NDST4: variants seen among roughly 807,000 people sequenced by gnomAD.
The protein encoded by NDST4 is N-deacetylase and N-sulfotransferase 4, also known as N-heparan sulfate sulfotransferase 4.
In NDST4, 63 loss-of-function variants were observed where a neutral mutation model predicts 100.8. That is an observed-to-expected ratio of 0.62 (90% CI 0.51 to 0.77). NDST4 has a LOEUF of 0.77. Ranked by LOEUF, NDST4 falls within the 30% of genes least tolerant of loss-of-function variation. The pLI, the probability that NDST4 is intolerant of heterozygous loss-of-function variation, is 0.00. For synonymous variants in NDST4, 377 were observed against 361.8 expected, an observed-to-expected ratio of 1.04 and a Z score of -0.48; for missense variants, 943 against 1,018.4, an observed-to-expected ratio of 0.93 and a Z score of 1.01.
At chr4:114,962,774 C>A (rs1284476615) in intron 4 of NDST4, among the ~76,000 whole-genome samples, 1 of 152,034 alleles carries the variant, frequency 6.6e-6, no homozygotes, top group Non-Finnish European at 1.5e-5. Context: ...CTGTCAAAAT[C>A]CCAGTTGTTT....
intron 1 of NDST4, among the ~76,000 whole-genome samples, chr4:115,100,491 G>A (rs1011142751): frequency 6.6e-6 from 1 of 151,988 alleles, no homozygotes; most frequent in East Asian, 1.9e-4. Flanking sequence ...CAAAAAAAGA[G>A]CAAGCTGTTT....
intron 6 of NDST4, among the ~76,000 whole-genome samples, chr4:114,881,269 A>G (rs1366516435): frequency 6.6e-6 from 1 of 152,084 alleles, no homozygotes; most frequent in African/African-American, 2.4e-5. Context: ...TTGAACAGTG[A>G]CAATGGGAAA....
chr4:114,953,658 C>T lies in NDST4; in HGVS notation c.1222-16155G>A, dbSNP rs192714751. The stretch of plus-strand genomic sequence containing the variant: ...TGGCATGCATTTATTAACTTAAAAG[C>T]AGTAAGTTATGTGTTTTAGGAAGTT... On this transcript the variant is annotated intron_variant, in intron 4 of 13. Transcript: ENST00000264363. Among the ~76,000 whole-genome samples the T allele has an allele frequency of 1.2e-3, 178 of 152,156 alleles. 1 individual carries two copies. The highest frequency in any genetic ancestry group is 2.9e-4 in the Non-Finnish European group (20 of 67,990).
chr4:115,094,045 A>G (rs1382091825), intron 1 of NDST4, among the ~76,000 whole-genome samples: 1 of 152,092 alleles, frequency 6.6e-6, no homozygotes, highest in Non-Finnish European at 1.5e-5. Flanking sequence ...TGAAGATAAA[A>G]CAAGATAAAG....
chr4:114,858,585 G>A (rs192607034), intron 7 of NDST4, among the ~76,000 whole-genome samples: 1 of 152,264 alleles, frequency 6.6e-6, no homozygotes, highest in African/African-American at 2.4e-5. Flanking sequence ...CTATTAGTTG[G>A]TGCAGAGTCC....
chr4:114,909,750 TATC>T (rs1246243499), intron 6 of NDST4, among the ~76,000 whole-genome samples: 2 of 151,098 alleles, frequency 1.3e-5, no homozygotes, highest in East Asian at 1.9e-4. Context: ...TAAATTAAGA[TATC>T]ATCGGTTTCC....
chr4:114,939,580 T>C (rs151041010), intron 4 of NDST4, among the ~76,000 whole-genome samples: 7 of 146,814 alleles, frequency 4.8e-5, no homozygotes, highest in African/African-American at 1.8e-4. Flanking sequence ...CAATGAAAAA[T>C]AAAATCAGCA....
At chr4:114,888,514 T>A (rs1051394890) in intron 6 of NDST4, among the ~76,000 whole-genome samples, 1 of 152,166 alleles carries the variant, frequency 6.6e-6, no homozygotes, top group African/African-American at 2.4e-5. Flanking sequence ...GCGACTGCCT[T>A]ATAATGCTCA....
intron 7 of NDST4, among the ~76,000 whole-genome samples, chr4:114,857,167 T>C (rs773124189): frequency 1.3e-5 from 2 of 152,170 alleles, no homozygotes; most frequent in African/African-American, 2.4e-5. Context: ...AATCACAATG[T>C]ACACTTTTAA....
Position 114,888,237 on chromosome 4 carries a change from T to A in NDST4, c.1537-17287A>T, listed in dbSNP as rs199813086. ...AATAAATAATTTAATTTAATTAAAA[T>A]ATATATATATATTTATTGATACCTT... On this transcript the variant is annotated intron_variant, in intron 6 of 13. Coordinates refer to ENST00000264363, the MANE Select transcript of NDST4 (RefSeq NM_022569.3). Among the ~76,000 whole-genome samples the A allele has an allele frequency of 4.6e-4, 68 of 148,196 alleles. No individual in the cohort carries two copies. In the East Asian group the frequency reaches 9.5e-3, roughly 21 times the overall value.
intron 1 of NDST4, among the ~76,000 whole-genome samples, chr4:115,104,839 C>T (rs1379294705): frequency 6.6e-6 from 1 of 152,092 alleles, no homozygotes; most frequent in South Asian, 2.1e-4. Flanking sequence ...TCAGGGGATA[C>T]TTTAAATCAG....
chr4:115,076,645 A>G lies in NDST4; in HGVS notation c.392T>C (p.Val131Ala), dbSNP rs757354392. 1 of 1,613,838 alleles carries G rather than the reference A, an allele frequency of 6.2e-7. No homozygotes were observed. The highest frequency in any genetic ancestry group is 1.7e-5 in the Admixed American group (1 of 59,992). ...ATACTTCAGAATATTTTCATAAATA[A>G]CTAAAGTATATTTCCCTTTGCCATT... ...TDNGKGKYTL[V>A]IYENILKYVS... The change falls in exon 2 of 14, where the codon GTT (valine) becomes GCT (alanine). Residue 131 changes from valine (V) to alanine (A), a missense_variant. By Grantham distance (64) the Val-to-Ala change is moderately conservative. Around this residue, in one of 2 missense-constraint regions of NDST4, gnomAD observed 417 missense variants for 384.2 expected, o/e 1.09. Coordinates refer to ENST00000264363, the MANE Select transcript of NDST4 (RefSeq NM_022569.3).
chr4:114,882,327 C>A (rs1005786545), intron 6 of NDST4, among the ~76,000 whole-genome samples: 5 of 151,772 alleles, frequency 3.3e-5, no homozygotes, highest in African/African-American at 1.2e-4. Context: ...ACATGTGGGC[C>A]TTAAGGGGGC....
chr4:114,931,248 T>C (rs1725506843), intron 6 of NDST4, among the ~76,000 whole-genome samples: 1 of 151,666 alleles, frequency 6.6e-6, no homozygotes, highest in African/African-American at 2.4e-5. Context: ...TTCTTAAAAA[T>C]ATGTGGTTTT....
chr4:114,982,782 C>A (rs967676031), intron 2 of NDST4, among the ~76,000 whole-genome samples: 1 of 152,086 alleles, frequency 6.6e-6, no homozygotes, highest in African/African-American at 2.4e-5. Flanking sequence ...TTTCAGAGAC[C>A]TTCACAGCAG....
At chr4:115,008,967 C>T (rs1183042814) in intron 2 of NDST4, among the ~76,000 whole-genome samples, 1 of 127,336 alleles carries the variant, frequency 7.9e-6, no homozygotes, top group Admixed American at 8.1e-5. Flanking sequence ...CCTAGGAATC[C>T]AACTTACAAG....
At chr4:115,034,155 G>A (rs535619324) in intron 2 of NDST4, among the ~76,000 whole-genome samples, 1 of 152,046 alleles carries the variant, frequency 6.6e-6, no homozygotes, top group South Asian at 2.1e-4. Context: ...TTGAGTAGTA[G>A]CAGGTTCACA....
At chr4:114,878,717 G>C (rs1214602986) in intron 6 of NDST4, among the ~76,000 whole-genome samples, 1 of 151,956 alleles carries the variant, frequency 6.6e-6, no homozygotes, top group Non-Finnish European at 1.5e-5. Context: ...ATGAGTCGAG[G>C]TATGCCAAAA....
intron 6 of NDST4, among the ~76,000 whole-genome samples, chr4:114,920,012 T>G (rs2126218614): frequency 6.6e-6 from 1 of 152,330 alleles, no homozygotes; most frequent in Non-Finnish European, 1.5e-5. Flanking sequence ...AAGTCATTTA[T>G]AAAACCATAA....
Sources: allele counts gnomAD v4.1 joint callset (sites outside exome capture counted in the v4.1 genomes callset), GRCh38; gene constraint gnomAD v4.1.1; regional missense constraint gnomAD v4.1.1; transcripts MANE v1.5; gene names NCBI Gene and HGNC (gene_info 2026-07-23, HGNC 2026-07-21).